The following ARSH variants were observed in gnomAD, a reference collection of about 807,000 sequenced individuals.
ARSH encodes arylsulfatase H.
Under a neutral mutation model 28.7 loss-of-function variants are expected in ARSH, and 32 were observed. That is an observed-to-expected ratio of 1.11 (90% confidence interval 0.84 to 1.50). The LOEUF is 1.50. ARSH is among the 40% of genes most tolerant of loss of function. The pLI is 0.00. For missense variants in ARSH, 440 were observed against 452.4 expected, an observed-to-expected ratio of 0.97 and a Z score of 0.25; for synonymous variants, 176 against 177.3, an observed-to-expected ratio of 0.99 and a Z score of 0.06.
rs140862695 is a variant in ARSH at position 3,029,233 on chromosome X, C to A, written c.1200-14C>A. 1.7e-6 allele frequency: 2 copies of A among 1,205,227 alleles called. No homozygotes were observed. The highest frequency in any genetic ancestry group is 2.2e-6 in the Non-Finnish European group (2 of 893,187). ...CTCTCTCATCACCTTCTACACACCC[C>A]CTTCTCTCCCAAGAGTGATTGACGG... On this transcript the variant is annotated splice_polypyrimidine_tract_variant and intron_variant, in intron 7 of 8. Transcript: ENST00000381130.
chrX:3,007,797 G>C (rs994815977), intron 1 of ARSH, among the ~76,000 whole-genome samples: 1 of 109,887 alleles, frequency 9.1e-6, no homozygotes, highest in Admixed American at 9.8e-5. Context: ...TGAGATCAAG[G>C]TGTCTGCAGG....
intron 2 of ARSH, among the ~76,000 whole-genome samples, chrX:3,011,359 C>G (rs1204808682): frequency 9.4e-6 from 1 of 106,854 alleles, no homozygotes; most frequent in Admixed American, 1.0e-4. Flanking sequence ...AAGTGATTCT[C>G]CTGCCTCAGT....
chrX:3,031,937 C>T (rs189020682), intron 8 of ARSH, among the ~76,000 whole-genome samples: 2,392 of 111,015 alleles, frequency 0.022, 26 homozygotes, highest in Non-Finnish European at 0.03. Flanking sequence ...GGCTGCAGTT[C>T]CTCCAAGCAT....
chrX:3,014,357 C>T (rs139204948), intron 3 of ARSH, among the ~76,000 whole-genome samples: 64 of 111,621 alleles, frequency 5.7e-4, no homozygotes, highest in Middle Eastern at 4.6e-3. Flanking sequence ...CAAATCAGAA[C>T]GTGACCTGGC....
chrX:3,012,568 A>AAAT (rs2089851233), intron 2 of ARSH, among the ~76,000 whole-genome samples: 1 of 21,813 alleles, frequency 4.6e-5, no homozygotes, highest in Non-Finnish European at 6.7e-5. Flanking sequence ...AAAAAAAAAA[A>AAAT]ATATATATAT....
rs758242101 is a variant in ARSH, at chrX:3,014,835, G to T, written c.341-135G>T. ...TGTCTATACCAGGGAGGTATTTGGG[G>T]ATATCAAGAAAAAACCATGATGACA... On this transcript the variant is annotated intron_variant, in intron 3 of 8. Transcript: ENST00000381130. 15 of 594,988 alleles carry T rather than the reference G, an allele frequency of 2.5e-5. No homozygotes were observed. The South Asian group carries it at 4.6e-4, about 18-fold the overall frequency. 49.0% of individuals were successfully genotyped at this position (594,988 alleles called of 1,213,427 possible). A position where few individuals can be genotyped will look rare whatever the true frequency, so the allele number is the denominator to read the frequency against.
intron 5 of ARSH, among the ~76,000 whole-genome samples, chrX:3,021,041 A>C (rs920213200): frequency 8.9e-6 from 1 of 111,819 alleles, no homozygotes; most frequent in African/African-American, 3.2e-5. Flanking sequence ...TGTTGCATAT[A>C]TACACATTTA....
rs767024547 is a variant in ARSH, at chrX:3,006,582, CTGTT to C, written c.-25_-22del. The C allele has an allele frequency of 1.4e-5, 16 of 1,149,253 alleles. No individual in the cohort carries two copies. Among genetic ancestry groups the C allele is most frequent in the Non-Finnish European group, 1.9e-5 (16 of 841,176 alleles). 94.7% of individuals were successfully genotyped at this position (1,149,253 alleles called of 1,213,427 possible). A position where few individuals can be genotyped will look rare whatever the true frequency, so the allele number is the denominator to read the frequency against. On this transcript the variant is annotated 5_prime_UTR_variant, in exon 1 of 9. Transcript: ENST00000381130. ...GCTGCTGGCTGTCAGTGTCCCTGTG[CTGTT>C]TGTTTTGCGGTGTTGATGGCACATT...
At position 3,033,730 on chromosome X, in the gene ARSH, G is replaced by C. The variant is rs893916564; in HGVS notation, c.*345G>C. Among the ~76,000 whole-genome samples, 1 of 111,429 alleles carries C rather than the reference G, an allele frequency of 9.0e-6. No homozygotes were observed. The highest frequency in any genetic ancestry group is 1.9e-5 in the Non-Finnish European group (1 of 53,174). ...CCAATGTCATAAGTTAGAAACTTCT[G>C]CTTGCAGATTCTATACCCAGGCATG... On this transcript the variant is annotated 3_prime_UTR_variant, in exon 9 of 9. Transcript: ENST00000381130.
intron 7 of ARSH, among the ~76,000 whole-genome samples, chrX:3,028,434 C>T (rs1286347694): frequency 9.1e-6 from 1 of 109,323 alleles, no homozygotes; most frequent in African/African-American, 3.3e-5. Flanking sequence ...TGGTCTCGAT[C>T]TCTTGACCTC....
chrX:3,026,164 GT>G (rs754035999), intron 6 of ARSH, among the ~76,000 whole-genome samples: 2 of 111,246 alleles, frequency 1.8e-5, no homozygotes, highest in African/African-American at 6.5e-5. Context: ...AGCTTGTCGA[GT>G]TTTTCTTATA....
chrX:3,030,871 C>A (rs2089911999), intron 8 of ARSH, among the ~76,000 whole-genome samples: 1 of 111,174 alleles, frequency 9.0e-6, no homozygotes, highest in East Asian at 2.8e-4. Flanking sequence ...AAATACTAGC[C>A]TGGCACAGTG....
Position 3,033,361 on chromosome X carries a change from T to C in ARSH, c.1665T>C (p.Asp555=), listed in dbSNP as rs139634852. 1.7e-6 allele frequency: 2 copies of C among 1,202,868 alleles called. No homozygotes were observed. The highest frequency in any genetic ancestry group is 1.8e-5 in the African/African-American group (1 of 57,046). Residue 555 remains aspartate, a synonymous_variant, in exon 9 of 9, where the codon GAT becomes GAC. Transcript: ENST00000381130. ...TFPFCGCDKE[D]DILPMAP ...CCTTCTGTGGGTGTGACAAGGAAGA[T>C]GACATCCTTCCCATGGCTCCCTGAG...
intron 6 of ARSH, 92 bp downstream of exon 6, chrX:3,024,247 C>A: frequency 2.2e-6 from 2 of 912,503 alleles, no homozygotes; most frequent in Non-Finnish European, 2.9e-6. Flanking sequence ...CCATGATGTT[C>A]AGATATTTTG....
intron 2 of ARSH, among the ~76,000 whole-genome samples, chrX:3,012,588 TA>T (rs2089852670): frequency 8.8e-5 from 2 of 22,849 alleles, no homozygotes; most frequent in Admixed American, 6.6e-4. Flanking sequence ...TATATATATA[TA>T]TATATATATA....
chrX:3,027,468 C>A lies in ARSH; in HGVS notation c.1192C>A (p.Gln398Lys). Residue 398 changes from glutamine to lysine, a missense_variant, in exon 7 of 9, where the codon CAG (glutamine) becomes AAG (lysine). Physicochemically the swap from Gln to Lys is moderately conservative, Grantham distance 53 (BLOSUM62 1). Transcript: ENST00000381130. ...TTATATAGGCGGAGGGATCTTGTCC[C>A]AGGACAGGTATGGAAACAGTGTTTG... ...LSYIGGGILS[Q>K]DRVIDGQNLM... 8.3e-7 allele frequency: 1 copy of A among 1,209,831 alleles called. No individual in the cohort carries two copies. Among genetic ancestry groups the A allele is most frequent in the Non-Finnish European group, 1.1e-6 (1 of 894,535 alleles).
rs3032484 is a variant in ARSH, at chrX:3,021,881, T to TTGTGTGTGTG, written c.902-2118_902-2109dup. The stretch of plus-strand genomic sequence containing the variant: ...ATGTGCACCACCATGTCTGGCCAAT[T>TTGTGTGTGTG]TGTGTGTGTGTGTGTGTGTGTGTGT... On this transcript the variant is annotated intron_variant, in intron 5 of 8. Coordinates refer to ENST00000381130, the MANE Select transcript of ARSH (RefSeq NM_001011719.2). 7.5e-3 allele frequency among the ~76,000 whole-genome samples: 711 copies of TTGTGTGTGTG among 94,250 alleles called. 5 individuals are homozygous for TTGTGTGTGTG. Among genetic ancestry groups the TTGTGTGTGTG allele is most frequent in the African/African-American group, 0.026 (674 of 25,465 alleles). 81.8% of individuals were successfully genotyped at this position (94,250 alleles called of 115,157 possible).
chrX:3,021,244 A>C (rs1343260872), intron 5 of ARSH, among the ~76,000 whole-genome samples: 2 of 111,559 alleles, frequency 1.8e-5, no homozygotes, highest in Non-Finnish European at 3.8e-5. Flanking sequence ...TTTTCTGTTA[A>C]AGTCTATATC....
chrX:3,011,249 TTTC>T (rs2089845721), intron 2 of ARSH, among the ~76,000 whole-genome samples: 1 of 45,546 alleles, frequency 2.2e-5, no homozygotes, highest in South Asian at 1.7e-3. Context: ...TTTTTCTTTC[TTTC>T]TTTTTTTTTT....
Sources: gnomAD v4.1 joint callset for allele counts (sites outside exome capture counted in the v4.1 genomes callset) on GRCh38, gnomAD v4.1.1 for gene constraint, MANE v1.5 for transcripts, NCBI Gene and HGNC (gene_info 2026-07-23, HGNC 2026-07-21) for gene names.